THSD7B: variants seen among roughly 807,000 people sequenced by gnomAD.
The protein encoded by THSD7B is thrombospondin type 1 domain containing 7B.
A neutral mutation model predicts 213.6 loss-of-function variants in THSD7B; 138 were observed. The ratio of observed to expected loss-of-function variants is 0.65; its 90% CI spans 0.56 to 0.74. The LOEUF is 0.74. Among genes scored for constraint, THSD7B ranks in the 30% least tolerant of loss-of-function variants. The pLI is 0.00. For synonymous variants in THSD7B, 742 were observed against 687.0 expected (o/e 1.08, Z -1.25); for missense variants, 1,931 against 1,991.5 (o/e 0.97, Z 0.58).
intron 7 of THSD7B, among the ~76,000 whole-genome samples, chr2:137,176,844 T>C (rs988910823): frequency 2.6e-5 from 4 of 152,220 alleles, no homozygotes; most frequent in Admixed American, 6.5e-5. Context: ...ACCTACTCTT[T>C]ACCAGGCTCC....
intron 2 of THSD7B, among the ~76,000 whole-genome samples, chr2:136,953,510 G>A (rs530933673): frequency 6.6e-6 from 1 of 151,772 alleles, no homozygotes. Flanking sequence ...TCCTTTTCTT[G>A]TACATGTAGA....
rs371016649 is a variant in THSD7B at position 137,572,564 on chromosome 2, C to A, written c.3423+8C>A. Reference sequence around the variant, plus strand: ...TGGAGCAAATGCCCACAGGTAATTTCTCTTTCTTTGTCAATGCTCTGATAA... The same window carrying A: ...TGGAGCAAATGCCCACAGGTAATTTATCTTTCTTTGTCAATGCTCTGATAA... On this transcript the variant is annotated splice_region_variant and intron_variant, in intron 17 of 27. Transcript: ENST00000409968. The A allele has an allele frequency of 9.9e-6, 16 of 1,613,414 alleles. No homozygotes were observed. The African/African-American group carries it at 2.1e-4, about 22-fold the overall frequency.
chr2:137,664,658 C>T (rs552126913), intron 26 of THSD7B, among the ~76,000 whole-genome samples: 25 of 152,188 alleles, frequency 1.6e-4, no homozygotes, highest in African/African-American at 6.0e-4. Context: ...CTGAAAATGG[C>T]AGTGCAGGTT....
At chr2:136,914,492 C>T (rs1383713572) in intron 2 of THSD7B, among the ~76,000 whole-genome samples, 1 of 152,172 alleles carries the variant, frequency 6.6e-6, no homozygotes, top group Non-Finnish European at 1.5e-5. Flanking sequence ...GTGTCCCCAC[C>T]AAAATCTCAA....
chr2:137,432,346 G>A (rs1687206251), intron 14 of THSD7B, among the ~76,000 whole-genome samples: 2 of 152,208 alleles, frequency 1.3e-5, no homozygotes, highest in Non-Finnish European at 2.9e-5. Flanking sequence ...AGCCGAGATC[G>A]CGCCACTGCG....
At chr2:137,033,491 G>A (rs928891642) in intron 2 of THSD7B, among the ~76,000 whole-genome samples, 14 of 152,342 alleles carry the variant, frequency 9.2e-5, no homozygotes, top group Non-Finnish European at 1.8e-4. Context: ...AGTTTCAGGG[G>A]ATGGAGAAGT....
intron 17 of THSD7B, among the ~76,000 whole-genome samples, chr2:137,575,063 T>G (rs1050157551): frequency 6.6e-6 from 1 of 152,116 alleles, no homozygotes; most frequent in Non-Finnish European, 1.5e-5. Context: ...CAAAGATACT[T>G]CTTTAGAGAC....
intron 12 of THSD7B, among the ~76,000 whole-genome samples, chr2:137,329,547 A>T (rs1684447178): frequency 6.6e-6 from 1 of 152,206 alleles, no homozygotes; most frequent in East Asian, 1.9e-4. Context: ...CTGTATTTTC[A>T]GTAGAGACGG....
In THSD7B at chr2:137,187,228, C is replaced by G. The variant is rs1246929193; in HGVS notation, c.1723+16290C>G. Among the ~76,000 whole-genome samples, 8 of 152,082 alleles carry G rather than the reference C, an allele frequency of 5.3e-5. No individual in the cohort carries two copies. In the East Asian group the frequency reaches 1.5e-3, roughly 29 times the overall value. ...AGGAACTGCTCTGCGAGGACAGAGG[C>G]AACACTGAGAATGACAGCATGGCTT... is the stretch of plus-strand genomic sequence containing the variant. On this transcript the variant is annotated intron_variant, in intron 7 of 27. Coordinates refer to ENST00000409968, the MANE Select transcript of THSD7B (RefSeq NM_001316349.2).
At chr2:136,954,740 T>TAAAAAAAA (rs773677139) in intron 2 of THSD7B, among the ~76,000 whole-genome samples, 1 of 137,450 alleles carries the variant, frequency 7.3e-6, no homozygotes, top group East Asian at 2.1e-4. Flanking sequence ...AAAAAGAAAT[T>TAAAAAAAA]ACATAAGAGC....
At chr2:137,535,132 AC>A (rs1318554433) in intron 15 of THSD7B, among the ~76,000 whole-genome samples, 2 of 151,768 alleles carry the variant, frequency 1.3e-5, no homozygotes, top group Non-Finnish European at 2.9e-5. Flanking sequence ...AAACTTGATA[AC>A]CTGTTCATTT....
intron 1 of THSD7B, among the ~76,000 whole-genome samples, chr2:136,803,755 A>G (rs745906266): frequency 8.5e-5 from 13 of 152,174 alleles, no homozygotes; most frequent in Non-Finnish European, 1.0e-4. Flanking sequence ...GGTGAAATGC[A>G]CTTCAAGTCC....
At chr2:137,169,288 T>TG (rs933168050) in intron 6 of THSD7B, among the ~76,000 whole-genome samples, 1 of 146,246 alleles carries the variant, frequency 6.8e-6, no homozygotes, top group African/African-American at 2.5e-5. Context: ...TATTTGAGGT[T>TG]TTTTTTTTTT....
At chr2:137,626,097 C>G (rs1460387801) in intron 20 of THSD7B, among the ~76,000 whole-genome samples, 1 of 152,140 alleles carries the variant, frequency 6.6e-6, no homozygotes, top group Non-Finnish European at 1.5e-5. Flanking sequence ...CCAGTCATGT[C>G]CCCTGAAACC....
In THSD7B at chr2:136,989,790, G is replaced by A. The variant is rs111930744; in HGVS notation, c.140-66630G>A. On this transcript the variant is annotated intron_variant, in intron 2 of 27. Transcript: ENST00000409968. ...GGCAGCCAGCTGGGAGAGGGGTAGAGATATGATCTATTTATATTTAATTCA... is the reference window on the plus strand; with the variant it reads ...GGCAGCCAGCTGGGAGAGGGGTAGAAATATGATCTATTTATATTTAATTCA... Among the ~76,000 whole-genome samples the A allele has an allele frequency of 8.5e-3, 1,291 of 152,236 alleles. 25 individuals carry two copies. The highest frequency in any genetic ancestry group is 0.03 in the African/African-American group (1,251 of 41,520).
chr2:136,940,448 T>A lies in THSD7B; in HGVS notation c.139+58131T>A, dbSNP rs567686752. 9.2e-5 allele frequency among the ~76,000 whole-genome samples: 14 copies of A among 152,124 alleles called. No homozygotes were observed. The East Asian group carries it at 2.5e-3, about 27-fold the overall frequency. ...TAAGCTCTTTTTGATAAAGCCTTAA[T>A]ATTTTATCAAACATTAAGTCTTAAG... On this transcript the variant is annotated intron_variant, in intron 2 of 27. Transcript: ENST00000409968.
At chr2:137,479,955 C>T (rs1172877558) in intron 15 of THSD7B, among the ~76,000 whole-genome samples, 1 of 152,092 alleles carries the variant, frequency 6.6e-6, no homozygotes, top group Non-Finnish European at 1.5e-5. Flanking sequence ...CAGGGGGTCT[C>T]CCATGGCTAG....
At chr2:137,238,530 C>CT (rs1573905313) in intron 9 of THSD7B, among the ~76,000 whole-genome samples, 4 of 62,788 alleles carry the variant, frequency 6.4e-5, no homozygotes, top group Admixed American at 2.0e-4. Flanking sequence ...TGACACTCAT[C>CT]TTTCTTTTTT....
chr2:137,043,002 A>G (rs1278896456), intron 2 of THSD7B, among the ~76,000 whole-genome samples: 1 of 152,128 alleles, frequency 6.6e-6, no homozygotes, highest in East Asian at 1.9e-4. Flanking sequence ...GGTAATGAGG[A>G]TAGATTTTCT....
Sources: gnomAD v4.1 joint callset for allele counts (sites outside exome capture counted in the v4.1 genomes callset) on GRCh38, gnomAD v4.1.1 for gene constraint, MANE v1.5 for transcripts, NCBI Gene and HGNC (gene_info 2026-07-23, HGNC 2026-07-21) for gene names.